CFAP54: variants seen among roughly 807,000 people sequenced by gnomAD.
CFAP54 encodes the protein cilia and flagella associated protein 54.
A neutral mutation model predicts 370.4 loss-of-function variants in CFAP54; 290 were observed. That is an observed-to-expected ratio of 0.78 (90% CI 0.71 to 0.86). The LOEUF (loss-of-function observed/expected upper bound fraction) is 0.86. CFAP54 is among the 40% of genes least tolerant of loss of function. The pLI is 0.00. For missense variants in CFAP54, 3,399 were observed against 3,528.7 expected (o/e 0.96, Z 0.93); for synonymous variants, 1,206 against 1,236.5 (o/e 0.98, Z 0.52).
chr12:96,846,197 A>G (rs2136450066), intron 66 of CFAP54, among the ~76,000 whole-genome samples: 1 of 152,364 alleles, frequency 6.6e-6, no homozygotes, highest in African/African-American at 2.4e-5. Context: ...TGAGGAATAG[A>G]CATTTAGTTT....
chr12:96,522,075 C>T lies in CFAP54; in HGVS notation c.1057-13C>T. The T allele has an allele frequency of 6.5e-7, 1 of 1,533,284 alleles. No homozygotes were observed. The highest frequency in any genetic ancestry group is 2.4e-5 in the East Asian group (1 of 40,888). 95.0% of individuals were successfully genotyped at this position (1,533,284 alleles called of 1,614,324 possible). On this transcript the variant is annotated splice_polypyrimidine_tract_variant and intron_variant, in intron 7 of 67. Coordinates refer to ENST00000524981, the MANE Select transcript of CFAP54 (RefSeq NM_001306084.2). ...CATTGTTATTTCATGTATAATTCTGCTTTTTGAGGCAGATGGCAGTGATGA... is the reference window on the plus strand; with the variant it reads ...CATTGTTATTTCATGTATAATTCTGTTTTTTGAGGCAGATGGCAGTGATGA...
At chr12:96,587,229 G>A (rs966896602) in intron 22 of CFAP54, among the ~76,000 whole-genome samples, 4 of 151,994 alleles carry the variant, frequency 2.6e-5, no homozygotes, top group Non-Finnish European at 1.5e-5. Context: ...AGGGGTCTGG[G>A]CAGGAGAGGG....
Position 96,688,904 on chromosome 12 carries a change from A to G in CFAP54, c.6015-12A>G, listed in dbSNP as rs199958757. On this transcript the variant is annotated splice_polypyrimidine_tract_variant and intron_variant, in intron 42 of 67. Transcript: ENST00000524981. ...TTCTACTAATCAATTTTTTTTTCTT[A>G]TACTTACTTAGATTTATTAAGTCAT... 43 of 1,517,816 alleles carry G rather than the reference A, an allele frequency of 2.8e-5. No individual in the cohort carries two copies. Among genetic ancestry groups the G allele is most frequent in the Non-Finnish European group, 3.7e-5 (42 of 1,120,084 alleles). The allele number at this position is 1,517,816 out of a possible 1,614,324, so 94.0% of individuals were successfully genotyped here. A position where few individuals can be genotyped will look rare whatever the true frequency, so the allele number is the denominator to read the frequency against.
intron 19 of CFAP54, among the ~76,000 whole-genome samples, chr12:96,571,721 GA>G (rs1456336594): frequency 6.6e-6 from 1 of 151,176 alleles, no homozygotes; most frequent in Non-Finnish European, 1.5e-5. Context: ...TTTCCTTCTT[GA>G]TTTTTTTTGG....
At chr12:96,494,961 G>C (rs532647735) in intron 1 of CFAP54, among the ~76,000 whole-genome samples, 1 of 152,110 alleles carries the variant, frequency 6.6e-6, no homozygotes, top group Non-Finnish European at 1.5e-5. Context: ...TCTTGACCTC[G>C]TGATCCGACC....
intron 12 of CFAP54, among the ~76,000 whole-genome samples, chr12:96,538,132 A>G (rs891109673): frequency 6.6e-6 from 1 of 151,854 alleles, no homozygotes; most frequent in Non-Finnish European, 1.5e-5. Flanking sequence ...TAGACTACTT[A>G]GGTTTGAATC....
chr12:96,826,498 T>C (rs1404420358), intron 65 of CFAP54, among the ~76,000 whole-genome samples: 21 of 108,270 alleles, frequency 1.9e-4, no homozygotes, highest in Non-Finnish European at 3.4e-4. Flanking sequence ...ATATATAATA[T>C]ATATCATGAT....
At chr12:96,766,572 A>AT (rs1392997818) in intron 60 of CFAP54, among the ~76,000 whole-genome samples, 1 of 152,082 alleles carries the variant, frequency 6.6e-6, no homozygotes, top group Non-Finnish European at 1.5e-5. Context: ...TAATCAAGAG[A>AT]TTCAGTTGAC....
At chr12:96,822,464 T>C (rs903119322) in intron 65 of CFAP54, among the ~76,000 whole-genome samples, 1 of 152,192 alleles carries the variant, frequency 6.6e-6, no homozygotes, top group African/African-American at 2.4e-5. Flanking sequence ...AATTGGAAAT[T>C]AGCATCAATT....
intron 66 of CFAP54, among the ~76,000 whole-genome samples, chr12:96,840,616 C>CTCTTTTTTTTTTTTTTTTTT (rs754313435): frequency 1.1e-5 from 1 of 93,372 alleles, no homozygotes; most frequent in Non-Finnish European, 2.0e-5. Context: ...TTTCTTTTCT[C>CTCTTTTTTTTTTTTTTTTTT]TGTTTCTTTC....
At chr12:96,840,055 T>A (rs1959202259) in intron 66 of CFAP54, among the ~76,000 whole-genome samples, 1 of 152,240 alleles carries the variant, frequency 6.6e-6, no homozygotes, top group African/African-American at 2.4e-5. Flanking sequence ...CTCTACTCCT[T>A]CACTGGAGGG....
At chr12:96,647,500 A>AAAAGAAC (rs1565927578) in intron 33 of CFAP54, among the ~76,000 whole-genome samples, 1 of 145,214 alleles carries the variant, frequency 6.9e-6, no homozygotes, top group African/African-American at 2.5e-5. Flanking sequence ...AAAAAAAGAA[A>AAAAGAAC]TGCCATTGAT....
chr12:96,518,043 TG>T (rs1250565811), intron 5 of CFAP54, among the ~76,000 whole-genome samples: 1 of 152,242 alleles, frequency 6.6e-6, no homozygotes, highest in East Asian at 1.9e-4. Context: ...TTTCCTAGCA[TG>T]TCATGTACGT....
At chr12:96,800,380 A>G (rs1207940768) in intron 63 of CFAP54, among the ~76,000 whole-genome samples, 1 of 152,230 alleles carries the variant, frequency 6.6e-6, no homozygotes, top group African/African-American at 2.4e-5. Flanking sequence ...ATTCAGATTT[A>G]AGCAAATTGC....
intron 60 of CFAP54, among the ~76,000 whole-genome samples, chr12:96,781,274 A>G (rs1480738106): frequency 1.3e-5 from 2 of 152,160 alleles, no homozygotes; most frequent in Non-Finnish European, 2.9e-5. Flanking sequence ...ACATTCAGAA[A>G]TTCTAGGGAA....
chr12:96,634,926 G>T (rs1204825319), intron 32 of CFAP54, among the ~76,000 whole-genome samples: 1 of 152,138 alleles, frequency 6.6e-6, no homozygotes, highest in African/African-American at 2.4e-5. Context: ...TCTGTATTCT[G>T]TTCCATTGAT....
At chr12:96,808,662 G>A (rs1978347) in intron 63 of CFAP54, among the ~76,000 whole-genome samples, 49,653 of 152,048 alleles carry the variant, frequency 0.33, 9,234 homozygotes, top group East Asian at 0.44. Flanking sequence ...TCAAAAACAC[G>A]TGTGAGCCCA....
At chr12:96,729,081 G>A (rs56252334) in intron 50 of CFAP54, among the ~76,000 whole-genome samples, 36,430 of 151,876 alleles carry the variant, frequency 0.24, 4,511 homozygotes, top group South Asian at 0.29. Context: ...GTGTCAGTCT[G>A]CCCCTACTGG....
intron 35 of CFAP54, 44 bp downstream of exon 35, chr12:96,650,116 C>T: frequency 4.7e-6 from 7 of 1,499,548 alleles, no homozygotes; most frequent in Non-Finnish European, 6.3e-6. Flanking sequence ...ACATAAATTT[C>T]AGCCCACCAA....
Sources: gnomAD v4.1 joint callset for allele counts (sites outside exome capture counted in the v4.1 genomes callset) on GRCh38, gnomAD v4.1.1 for gene constraint, MANE v1.5 for transcripts, NCBI Gene and HGNC (gene_info 2026-07-23, HGNC 2026-07-21) for gene names.